BTBD9: variants seen among roughly 807,000 people sequenced by gnomAD.
BTBD9 encodes the protein BTB/POZ domain-containing protein 9.
BTBD9 carries 49 observed loss-of-function variants against 64.3 expected under a neutral mutation model. The ratio of observed to expected loss-of-function variants is 0.76; its 90% CI spans 0.61 to 0.97. The LOEUF (loss-of-function observed/expected upper bound fraction) is 0.97, where lower values mean the gene tolerates loss of function less well. BTBD9 is among the 50% of genes least tolerant of loss of function. BTBD9 has a pLI of 0.00. For missense variants in BTBD9, 598 were observed against 762.1 expected (o/e 0.78, Z 2.53); for synonymous variants, 260 against 274.7 (o/e 0.95, Z 0.53).
rs1249360747 is a variant in BTBD9, at chr6:38,170,609, C to T, written c.*4376G>A. On this transcript the variant is annotated 3_prime_UTR_variant, in exon 11 of 11. Coordinates refer to ENST00000481247, the MANE Select transcript of BTBD9 (RefSeq NM_001099272.2). Reference sequence around the variant, plus strand: ...TGTCAGCGAGAGAGATGGGGGCATTCCAGTTGTCCTGCATGCCATTTAAAC... The same window carrying T: ...TGTCAGCGAGAGAGATGGGGGCATTTCAGTTGTCCTGCATGCCATTTAAAC... The T allele has an allele frequency of 6.6e-6, 1 of 152,242 alleles. No homozygotes were observed. The highest frequency in any genetic ancestry group is 1.5e-5 in the Non-Finnish European group (1 of 68,058). 9.4% of individuals were successfully genotyped at this position (152,242 alleles called of 1,614,324 possible). A position where few individuals can be genotyped will look rare whatever the true frequency, so the allele number is the denominator to read the frequency against.
intron 6 of BTBD9, among the ~76,000 whole-genome samples, chr6:38,500,510 T>G (rs1772148409): frequency 6.6e-6 from 1 of 152,234 alleles, no homozygotes; most frequent in Admixed American, 6.5e-5. Flanking sequence ...AGATACCATT[T>G]AATTTCTCAC....
intron 6 of BTBD9, among the ~76,000 whole-genome samples, chr6:38,541,703 A>T (rs755555734): frequency 3.9e-5 from 6 of 152,186 alleles, no homozygotes; most frequent in Middle Eastern, 3.2e-3. Context: ...GCACCACTGC[A>T]CTCCAGCCTG....
At chr6:38,486,489 GT>G (rs1771430387) in intron 6 of BTBD9, among the ~76,000 whole-genome samples, 1 of 152,186 alleles carries the variant, frequency 6.6e-6, no homozygotes, top group African/African-American at 2.4e-5. Context: ...AGAGACTACT[GT>G]AGGGTTATTA....
At chr6:38,623,982 C>G (rs1778086507) in intron 1 of BTBD9, among the ~76,000 whole-genome samples, 1 of 152,148 alleles carries the variant, frequency 6.6e-6, no homozygotes, top group South Asian at 2.1e-4. Flanking sequence ...GTAGCTAGAG[C>G]AGTCATCACC....
chr6:38,501,463 T>C (rs536024418), intron 6 of BTBD9, among the ~76,000 whole-genome samples: 6 of 152,354 alleles, frequency 3.9e-5, no homozygotes, highest in Admixed American at 6.5e-5. Context: ...GGGCACATAG[T>C]AAACACTCAA....
At chr6:38,178,216 A>G (rs1288776997) in intron 10 of BTBD9, among the ~76,000 whole-genome samples, 1 of 149,588 alleles carries the variant, frequency 6.7e-6, no homozygotes, top group Non-Finnish European at 1.5e-5. Flanking sequence ...GAAGATTCTA[A>G]GTGGAAAAGA....
At chr6:38,515,903 A>C (rs532086074) in intron 6 of BTBD9, among the ~76,000 whole-genome samples, 1 of 152,330 alleles carries the variant, frequency 6.6e-6, no homozygotes, top group East Asian at 1.9e-4. Context: ...ACACAGTTTC[A>C]AAGATAATTG....
intron 1 of BTBD9, among the ~76,000 whole-genome samples, chr6:38,615,932 G>A (rs1582721619): frequency 6.6e-6 from 1 of 152,188 alleles, no homozygotes; most frequent in Non-Finnish European, 1.5e-5. Context: ...TGGCACCCAA[G>A]ATCCCTGCTC....
intron 6 of BTBD9, among the ~76,000 whole-genome samples, chr6:38,409,689 T>G (rs1243946725): frequency 2.0e-5 from 3 of 151,988 alleles, no homozygotes; most frequent in Non-Finnish European, 4.4e-5. Context: ...CCAAGTATGG[T>G]GGTCCGTGCC....
intron 9 of BTBD9, among the ~76,000 whole-genome samples, chr6:38,228,851 C>T (rs528504979): frequency 2.7e-4 from 40 of 149,836 alleles, no homozygotes; most frequent in African/African-American, 8.1e-4. Flanking sequence ...TCCAGCCCAG[C>T]GGCAGAGCGA....
At chr6:38,245,247 C>A (rs1159369001) in intron 9 of BTBD9, among the ~76,000 whole-genome samples, 5 of 152,148 alleles carry the variant, frequency 3.3e-5, no homozygotes, top group African/African-American at 1.2e-4. Context: ...TAATTGCAAA[C>A]TGCAACAAGG....
At chr6:38,366,735 A>C (rs1403298142) in intron 6 of BTBD9, among the ~76,000 whole-genome samples, 3 of 152,212 alleles carry the variant, frequency 2.0e-5, no homozygotes, top group African/African-American at 7.2e-5. Context: ...ATGGTGATCG[A>C]TCTTATAGGG....
chr6:38,615,822 T>A (rs1777765447), intron 1 of BTBD9, among the ~76,000 whole-genome samples: 1 of 152,170 alleles, frequency 6.6e-6, no homozygotes. Context: ...CTTAAAGTAA[T>A]TATTGCGGTC....
intron 9 of BTBD9, among the ~76,000 whole-genome samples, chr6:38,209,982 C>T (rs554505753): frequency 4.6e-5 from 7 of 152,178 alleles, no homozygotes; most frequent in Non-Finnish European, 1.0e-4. Context: ...AGGACCCTCC[C>T]GCCAGCTCCT....
chr6:38,319,076 C>G (rs1035637343), intron 7 of BTBD9, among the ~76,000 whole-genome samples: 7 of 152,170 alleles, frequency 4.6e-5, no homozygotes, highest in Non-Finnish European at 8.8e-5. Flanking sequence ...CAGGGTACCA[C>G]TGATGTTCAC....
chr6:38,409,201 C>T (rs184287927), intron 6 of BTBD9, among the ~76,000 whole-genome samples: 1 of 152,112 alleles, frequency 6.6e-6, no homozygotes, highest in East Asian at 1.9e-4. Flanking sequence ...AGTGAGCTGA[C>T]ATCACATCAC....
chr6:38,304,304 T>C (rs1008663729), intron 7 of BTBD9, among the ~76,000 whole-genome samples: 1 of 152,064 alleles, frequency 6.6e-6, no homozygotes, highest in South Asian at 2.1e-4. Flanking sequence ...TCCCAGCACT[T>C]TGGGAGGCCG....
chr6:38,305,640 C>T (rs1762598252), intron 7 of BTBD9, among the ~76,000 whole-genome samples: 1 of 152,062 alleles, frequency 6.6e-6, no homozygotes, highest in Admixed American at 6.6e-5. Flanking sequence ...CGCCACCACA[C>T]CGGGCTAATT....
intron 6 of BTBD9, among the ~76,000 whole-genome samples, chr6:38,419,455 C>T (rs1398881120): frequency 6.6e-6 from 1 of 152,148 alleles, no homozygotes; most frequent in Non-Finnish European, 1.5e-5. Flanking sequence ...ATTTATGAGA[C>T]CTGTCAATCT....
Sources: allele counts gnomAD v4.1 joint callset (sites outside exome capture counted in the v4.1 genomes callset), GRCh38; gene constraint gnomAD v4.1.1; transcripts MANE v1.5; gene names NCBI Gene and HGNC (gene_info 2026-07-23, HGNC 2026-07-21).